Variants in ARB2A observed in about 807,000 individuals in gnomAD.
The protein encoded by ARB2A is cotranscriptional regulator ARB2A.
At chr5:93,675,170 A>T in the ARB2A span, among the ~76,000 whole-genome samples, 1 of 152,186 alleles carries the variant, frequency 6.6e-6, no homozygotes, top group African/African-American at 2.4e-5. Flanking sequence ...ATTATTATTA[A>T]AACAAACCTC....
the ARB2A span, among the ~76,000 whole-genome samples, chr5:93,765,131 G>A: frequency 6.6e-6 from 1 of 152,160 alleles, no homozygotes; most frequent in Admixed American, 6.5e-5. Flanking sequence ...TGCAAAACTG[G>A]CGTAAGACAG....
chr5:94,021,657 A>G, the ARB2A span, among the ~76,000 whole-genome samples: 1 of 152,216 alleles, frequency 6.6e-6, no homozygotes, highest in African/African-American at 2.4e-5. Flanking sequence ...GGACTACTGA[A>G]GTAATGAAGA....
chr5:93,843,427 T>A, the ARB2A span, among the ~76,000 whole-genome samples: 1 of 148,856 alleles, frequency 6.7e-6, no homozygotes, highest in Non-Finnish European at 1.5e-5. Context: ...CTTTTTTTTT[T>A]TTTTTTTTTT....
chr5:93,889,051 C>A, the ARB2A span, among the ~76,000 whole-genome samples: 1 of 151,502 alleles, frequency 6.6e-6, no homozygotes. Flanking sequence ...AAATCCAAAT[C>A]ATATACAAAT....
At chr5:93,726,533 A>G in the ARB2A span, among the ~76,000 whole-genome samples, 1 of 152,120 alleles carries the variant, frequency 6.6e-6, no homozygotes, top group African/African-American at 2.4e-5. Context: ...TGAGAAAGAA[A>G]GAATGAGGCC....
chr5:94,025,539 C>G, the ARB2A span, among the ~76,000 whole-genome samples: 6 of 152,122 alleles, frequency 3.9e-5, no homozygotes, highest in Non-Finnish European at 7.3e-5. Flanking sequence ...GATGGGGATA[C>G]CCAGTCCAAT....
At chr5:93,861,747 C>A in the ARB2A span, 24 of 152,298 alleles carry the variant, frequency 1.6e-4, no homozygotes, top group Admixed American at 5.9e-4. Context: ...CAGAGGCCAT[C>A]GTTAAGCATC....
the ARB2A span, among the ~76,000 whole-genome samples, chr5:93,732,554 C>A: frequency 6.6e-6 from 1 of 151,522 alleles, no homozygotes; most frequent in Admixed American, 6.6e-5. Context: ...CTGTGCTACA[C>A]TGAAGCTCTT....
At chr5:94,017,080 A>G in the ARB2A span, among the ~76,000 whole-genome samples, 2 of 152,228 alleles carry the variant, frequency 1.3e-5, no homozygotes, top group Non-Finnish European at 2.9e-5. Context: ...GCAAGATCAT[A>G]TTGAAGAGTA....
chr5:93,980,184 A>G, the ARB2A span, among the ~76,000 whole-genome samples: 1 of 152,154 alleles, frequency 6.6e-6, no homozygotes, highest in Non-Finnish European at 1.5e-5. Context: ...TCTTTAGCAA[A>G]AGGTAAACTG....
chr5:93,690,008 T>C, the ARB2A span, among the ~76,000 whole-genome samples: 1 of 152,110 alleles, frequency 6.6e-6, no homozygotes, highest in African/African-American at 2.4e-5. Context: ...TTGTGAGGAA[T>C]GGTGCATTCC....
the ARB2A span, among the ~76,000 whole-genome samples, chr5:93,840,906 C>T: frequency 2.0e-5 from 3 of 152,076 alleles, no homozygotes; most frequent in Admixed American, 2.0e-4. Context: ...GTAATTATGG[C>T]CCATTATTTA....
the ARB2A span, among the ~76,000 whole-genome samples, chr5:93,854,637 G>A: frequency 2.0e-5 from 3 of 152,210 alleles, no homozygotes; most frequent in Non-Finnish European, 4.4e-5. Context: ...ATGTGTCCCA[G>A]AGATTCTGGA....
the ARB2A span, chr5:93,881,600 C>G: frequency 6.2e-7 from 1 of 1,609,290 alleles, no homozygotes; most frequent in Non-Finnish European, 8.5e-7. Context: ...TTCATCTGAA[C>G]TATCAGATGA....
At chr5:93,764,068 T>C in the ARB2A span, among the ~76,000 whole-genome samples, 1 of 152,198 alleles carries the variant, frequency 6.6e-6, no homozygotes, top group Non-Finnish European at 1.5e-5. Context: ...GGGAAATTTA[T>C]AGCAATAAAT....
At chr5:93,776,148 C>T in the ARB2A span, 1 of 1,596,928 alleles carries the variant, frequency 6.3e-7, no homozygotes, top group Non-Finnish European at 8.5e-7. Flanking sequence ...TATCTCTCAT[C>T]AAACACATAC....
the ARB2A span, among the ~76,000 whole-genome samples, chr5:94,085,061 A>T: frequency 3.9e-5 from 6 of 152,188 alleles, no homozygotes; most frequent in African/African-American, 1.4e-4. Context: ...ATTCTTATTC[A>T]TGTTTCTGGT....
At chr5:93,669,677 A>G in the ARB2A span, among the ~76,000 whole-genome samples, 4 of 152,318 alleles carry the variant, frequency 2.6e-5, no homozygotes, top group South Asian at 4.1e-4. Context: ...AAACTCCTGC[A>G]TACTACAAAT....
chr5:93,709,815 T>C, the ARB2A span, among the ~76,000 whole-genome samples: 1 of 152,076 alleles, frequency 6.6e-6, no homozygotes. Context: ...CATACATGTA[T>C]ACACACACAT....
Sources: gnomAD v4.1 joint callset for allele counts (sites outside exome capture counted in the v4.1 genomes callset) on GRCh38, gnomAD v4.1.1 for gene constraint, MANE v1.5 for transcripts, NCBI Gene and HGNC (gene_info 2026-07-23, HGNC 2026-07-21) for gene names.